IL1R2: variants seen among roughly 807,000 people sequenced by gnomAD.
IL1R2 encodes the protein interleukin-1 receptor type 2.
IL1R2 carries 46 observed loss-of-function variants against 39.5 expected under a neutral mutation model. The observed-to-expected ratio is 1.16, with a 90% CI of 0.92 to 1.49. The LOEUF (loss-of-function observed/expected upper bound fraction) is 1.49. Among genes scored for constraint, IL1R2 ranks in the 40% most tolerant of loss-of-function variants. The probability of loss-of-function intolerance (pLI) is 0.00; values close to 1 mark genes in which losing one functional copy is unlikely to be tolerated. For synonymous variants in IL1R2, 207 were observed against 189.6 expected, an observed-to-expected ratio of 1.09 and a Z score of -0.75; for missense variants, 537 against 502.0, an observed-to-expected ratio of 1.07 and a Z score of -0.67.
chr2:101,994,888 G>A (rs945248094), intron 1 of IL1R2, among the ~76,000 whole-genome samples: 1 of 152,244 alleles, frequency 6.6e-6, no homozygotes, highest in African/African-American at 2.4e-5. Flanking sequence ...GGGCAAGGAA[G>A]AAGTTAGTGT....
chr2:102,003,267 A>G (rs111162562), intron 1 of IL1R2, among the ~76,000 whole-genome samples: 91 of 76,514 alleles, frequency 1.2e-3, no homozygotes, highest in Middle Eastern at 0.021. Context: ...TGTCTGTGTC[A>G]GTGTCTAGGC....
Position 102,028,242 on chromosome 2 carries a change from C to G in IL1R2, c.1047C>G (p.Ser349=). 6.2e-7 allele frequency: 1 copy of G among 1,610,178 alleles called. No homozygotes were observed. Among genetic ancestry groups the G allele is most frequent in the Non-Finnish European group, 8.5e-7 (1 of 1,178,104 alleles). Reference sequence around the variant, plus strand: ...TTCCCACAGCCTCCTCCACGTTCTCCTGGGGCATTGTGCTGGCCCCACTTT... The same window carrying G: ...TTCCCACAGCCTCCTCCACGTTCTCGTGGGGCATTGTGCTGGCCCCACTTT... ...TTVKEASSTF[S]WGIVLAPLSL... The change falls in exon 9 of 9, where the codon TCC becomes TCG. Residue 349 remains serine, a synonymous_variant. Coordinates refer to ENST00000332549, the MANE Select transcript of IL1R2 (RefSeq NM_004633.4).
intron 6 of IL1R2, among the ~76,000 whole-genome samples, chr2:102,024,197 C>T (rs754452748): frequency 2.6e-5 from 4 of 152,142 alleles, no homozygotes; most frequent in Non-Finnish European, 4.4e-5. Flanking sequence ...ACACATTGAT[C>T]TGGATTTTCT....
At chr2:102,005,306 C>T (rs1236568108) in intron 1 of IL1R2, among the ~76,000 whole-genome samples, 1 of 152,158 alleles carries the variant, frequency 6.6e-6, no homozygotes, top group Non-Finnish European at 1.5e-5. Flanking sequence ...CTTTTAGAGT[C>T]AACCAGCAGA....
intron 7 of IL1R2, among the ~76,000 whole-genome samples, chr2:102,025,000 T>A (rs180895718): frequency 6.6e-6 from 1 of 152,312 alleles, no homozygotes; most frequent in Admixed American, 6.5e-5. Flanking sequence ...GCAACCTGAC[T>A]ATCAAACATT....
At chr2:102,028,048 A>G (rs1359421680) in intron 8 of IL1R2, among the ~76,000 whole-genome samples, 178 bp from the exon 9 acceptor site, 1 of 152,236 alleles carries the variant, frequency 6.6e-6, no homozygotes. Flanking sequence ...AATGCCACAG[A>G]CATCACTCTC....
chr2:102,007,393 C>T (rs1355101580), intron 1 of IL1R2, among the ~76,000 whole-genome samples: 2 of 152,058 alleles, frequency 1.3e-5, no homozygotes, highest in East Asian at 1.9e-4. Flanking sequence ...GGAGTTAATC[C>T]GTAGGGGATA....
At chr2:102,002,463 C>CTGTCTGTGTCTGTGTCTGTGTCTG (rs72407418) in intron 1 of IL1R2, among the ~76,000 whole-genome samples, 2 of 143,020 alleles carry the variant, frequency 1.4e-5, no homozygotes, top group African/African-American at 5.2e-5. Flanking sequence ...GTCTATGTCT[C>CTGTCTGTGTCTGTGTCTGTGTCTG]TGTCTGTGTC....
rs1676498584 is a variant in IL1R2 at position 102,009,728 on chromosome 2, C to A, written c.234C>A (p.Val78=). 6.2e-7 allele frequency: 1 copy of A among 1,614,144 alleles called. No individual in the cohort carries two copies. The highest frequency in any genetic ancestry group is 2.2e-5 in the East Asian group (1 of 44,882). The change falls in exon 3 of 9, where the codon GTC becomes GTA. Residue 78 remains valine (V), a synonymous_variant. Transcript: ENST00000332549. Reference sequence around the variant, plus strand: ...ATAAAAATGACTCTGCTAGGACGGTCCCAGGAGAAGAAGAGACACGGATGT... The same window carrying A: ...ATAAAAATGACTCTGCTAGGACGGTACCAGGAGAAGAAGAGACACGGATGT... The part of the protein sequence containing the change: ...TWHKNDSART[V]PGEEETRMWA...
intron 1 of IL1R2, among the ~76,000 whole-genome samples, chr2:101,999,521 T>G (rs1675745657): frequency 6.6e-6 from 1 of 152,200 alleles, no homozygotes; most frequent in South Asian, 2.1e-4. Flanking sequence ...GACTCGATGC[T>G]TTAGAAACTG....
chr2:102,010,571 G>T (rs1577704941), intron 3 of IL1R2, among the ~76,000 whole-genome samples: 1 of 118,410 alleles, frequency 8.4e-6, no homozygotes, highest in Non-Finnish European at 1.7e-5. Flanking sequence ...GCGAGACTCT[G>T]TCTAAAAAAA....
chr2:102,007,234 T>C (rs28385675), intron 1 of IL1R2, among the ~76,000 whole-genome samples: 1 of 152,108 alleles, frequency 6.6e-6, no homozygotes, highest in Non-Finnish European at 1.5e-5. Flanking sequence ...CTCCAGTCTT[T>C]GGGGGGCATG....
chr2:102,024,048 C>CAAAAAAAAAAAAA (rs767273520), intron 6 of IL1R2, among the ~76,000 whole-genome samples: 2 of 139,950 alleles, frequency 1.4e-5, no homozygotes, highest in African/African-American at 2.9e-5. Context: ...GACTCCATCT[C>CAAAAAAAAAAAAA]AAAAACAAAA....
Position 102,008,497 on chromosome 2 carries a change from C to T in IL1R2, c.-61-18C>T, listed in dbSNP as rs1676401235. On this transcript the variant is annotated intron_variant, in intron 1 of 8. Transcript: ENST00000332549. ...CAGGGTTCTTGGTTCCTGGTGACAC[C>T]TCTGTTTCCTCCCCTAGGCCACGTG... 4.5e-6 allele frequency: 5 copies of T among 1,114,814 alleles called. No individual in the cohort carries two copies. Among genetic ancestry groups the T allele is most frequent in the Non-Finnish European group, 1.4e-6 (1 of 725,390 alleles). The allele number at this position is 1,114,814 out of a possible 1,614,324, so 69.1% of individuals were successfully genotyped here.
intron 3 of IL1R2, among the ~76,000 whole-genome samples, chr2:102,010,641 G>A (rs886810477): frequency 2.6e-5 from 4 of 151,992 alleles, no homozygotes; most frequent in African/African-American, 9.7e-5. Context: ...AGCTGGCTTG[G>A]AAAGTTCCCC....
At chr2:102,024,005 C>T (rs919982199) in intron 6 of IL1R2, among the ~76,000 whole-genome samples, 1 of 150,684 alleles carries the variant, frequency 6.6e-6, no homozygotes, top group African/African-American at 2.4e-5. Context: ...GCCGAGATCG[C>T]CCCACCGCAC....
At chr2:102,010,383 C>T (rs1399695932) in intron 3 of IL1R2, among the ~76,000 whole-genome samples, 1 of 152,058 alleles carries the variant, frequency 6.6e-6, no homozygotes, top group Non-Finnish European at 1.5e-5. Flanking sequence ...ACCATCCTGG[C>T]TAACACAGTG....
At position 102,019,740 on chromosome 2, in the gene IL1R2, C is replaced by A; in HGVS notation, c.616C>A (p.Arg206Ser). The change falls in exon 5 of 9, where the codon CGC (arginine) becomes AGC (serine). Residue 206 changes from arginine to serine, a missense_variant. By Grantham distance (110) the Arg-to-Ser change is moderately radical. Coordinates refer to ENST00000332549, the MANE Select transcript of IL1R2 (RefSeq NM_004633.4). ...DVALEDAGYY[R>S]CVLTFAHEGQ... is the part of the protein sequence containing the mutation. ...GGCCCTGGAAGATGCTGGCTATTAC[C>A]GCTGTGTCCTGACATTTGCCCATGA... The A allele has an allele frequency of 6.2e-7, 1 of 1,614,108 alleles. No homozygotes were observed. The highest frequency in any genetic ancestry group is 1.1e-5 in the South Asian group (1 of 91,068).
chr2:102,005,181 G>C (rs972875598), intron 1 of IL1R2, among the ~76,000 whole-genome samples: 42 of 152,292 alleles, frequency 2.8e-4, no homozygotes, highest in African/African-American at 1.0e-3. Flanking sequence ...TTTAAACATG[G>C]TTACAAACCT....
Sources: allele counts gnomAD v4.1 joint callset (sites outside exome capture counted in the v4.1 genomes callset), GRCh38; gene constraint gnomAD v4.1.1; transcripts MANE v1.5; gene names NCBI Gene and HGNC (gene_info 2026-07-23, HGNC 2026-07-21).